The following BATF variants were observed in gnomAD, a reference collection of about 807,000 sequenced individuals.
BATF encodes basic leucine zipper transcriptional factor ATF-like.
Under a neutral mutation model 13.7 loss-of-function variants are expected in BATF, and 5 were observed. The observed-to-expected ratio is 0.36, with a 90% CI of 0.19 to 0.77. The LOEUF (loss-of-function observed/expected upper bound fraction) is 0.77, where lower values mean the gene tolerates loss of function less well. Ranked by LOEUF, BATF falls within the 30% of genes least tolerant of loss-of-function variation. The probability of loss-of-function intolerance (pLI) is 0.51; values close to 1 mark genes in which losing one functional copy is unlikely to be tolerated. For synonymous variants in BATF, 72 were observed against 67.5 expected (o/e 1.07, Z -0.33); for missense variants, 124 against 163.0 (o/e 0.76, Z 1.30).
At chr14:75,538,584 AC>A (rs1270718918) in intron 2 of BATF, among the ~76,000 whole-genome samples, 6 of 152,326 alleles carry the variant, frequency 3.9e-5, no homozygotes, top group Middle Eastern at 3.4e-3. Context: ...ATACTCTGTC[AC>A]ATACAGTGGC....
intron 2 of BATF, among the ~76,000 whole-genome samples, chr14:75,544,910 T>C (rs1485450707): frequency 2.0e-5 from 3 of 150,696 alleles, no homozygotes; most frequent in African/African-American, 7.3e-5. Context: ...CTTAAAATTA[T>C]ACCGGAATTG....
chr14:75,534,897 C>T lies in BATF; in HGVS notation c.168+9709C>T, dbSNP rs566587758. ...AACAGAGACAAAACCCAGTGTGCAT[C>T]ACGATGTTCATCTCAGCATTATTTT... On this transcript the variant is annotated intron_variant, in intron 2 of 2. Coordinates refer to ENST00000286639, the MANE Select transcript of BATF (RefSeq NM_006399.5). Among the ~76,000 whole-genome samples the T allele has an allele frequency of 6.6e-5, 10 of 152,304 alleles. No homozygotes were observed. The East Asian group carries it at 1.9e-3, about 29-fold the overall frequency.
chr14:75,533,186 T>C (rs541586169), intron 2 of BATF, among the ~76,000 whole-genome samples: 2 of 152,154 alleles, frequency 1.3e-5, no homozygotes, highest in African/African-American at 4.8e-5. Context: ...AACGACTGTT[T>C]GGGAGGCCAA....
intron 2 of BATF, among the ~76,000 whole-genome samples, chr14:75,532,467 G>A (rs562534196): frequency 6.6e-6 from 1 of 152,102 alleles, no homozygotes; most frequent in African/African-American, 2.4e-5. Context: ...TATATAGATA[G>A]ATACAATTGG....
rs746135776 is a variant in BATF, at chr14:75,546,656, G to A, written c.363G>A (p.Pro121=). The change falls in exon 3 of 3, where the codon CCG becomes CCA. Residue 121 remains proline, a synonymous_variant. Transcript: ENST00000286639. The part of the protein sequence containing the change: ...HAFHQPHVSS[P]RFQP ...TCCACCAACCTCATGTCAGCTCCCC[G>A]CGCTTCCAGCCCTGAGCTTCCGATG... is the stretch of plus-strand genomic sequence containing the variant. 4 of 1,602,266 alleles carry A rather than the reference G, an allele frequency of 2.5e-6. No homozygotes were observed. The highest frequency in any genetic ancestry group is 2.7e-5 in the African/African-American group (2 of 74,546).
intron 1 of BATF, 131 bp downstream of exon 1, chr14:75,522,876 C>G: frequency 9.3e-7 from 1 of 1,072,432 alleles, no homozygotes; most frequent in Non-Finnish European, 1.4e-6. Flanking sequence ...CTCTGTTAGA[C>G]TTAGGACATG....
chr14:75,540,424 C>T (rs367907650), intron 2 of BATF, among the ~76,000 whole-genome samples: 2 of 152,142 alleles, frequency 1.3e-5, no homozygotes, highest in African/African-American at 4.8e-5. Flanking sequence ...CATCAAATGA[C>T]CCCACAGGTG....
intron 2 of BATF, 128 bp downstream of exon 2, chr14:75,525,316 G>A (rs990753467): frequency 3.2e-6 from 3 of 938,788 alleles, no homozygotes; most frequent in African/African-American, 3.3e-5. Context: ...TTAGTGGAGG[G>A]TGAGGGCCGT....
chr14:75,527,890 C>T (rs1426369484), intron 2 of BATF, among the ~76,000 whole-genome samples: 4 of 152,206 alleles, frequency 2.6e-5, no homozygotes, highest in African/African-American at 2.4e-5. Flanking sequence ...AGCAAGCCTG[C>T]GGACTGCTGC....
intron 1 of BATF, among the ~76,000 whole-genome samples, chr14:75,524,532 C>A (rs2140033436): frequency 6.6e-6 from 1 of 152,076 alleles, no homozygotes; most frequent in South Asian, 2.1e-4. Context: ...GACCAGGAGT[C>A]CTTGGGCACA....
At position 75,522,747 on chromosome 14, in the gene BATF, TAG is replaced by T; in HGVS notation, c.63+5_63+6del. On this transcript the variant is annotated splice_donor_region_variant and intron_variant, in intron 1 of 2. Transcript: ENST00000286639. ...CGCTCTCCTCCCCCTGGCAAACAGG[TAG>T]AGTCCTCCTTTTTCTCTCTCCTACC... 2 of 1,614,070 alleles carry T rather than the reference TAG, an allele frequency of 1.2e-6. No homozygotes were observed. Among genetic ancestry groups the T allele is most frequent in the Non-Finnish European group, 1.7e-6 (2 of 1,179,972 alleles).
chr14:75,532,987 T>G (rs1409569859), intron 2 of BATF, among the ~76,000 whole-genome samples: 1 of 152,236 alleles, frequency 6.6e-6, no homozygotes, highest in Non-Finnish European at 1.5e-5. Context: ...TTTATTATAA[T>G]GAATGTGTGC....
chr14:75,532,656 A>C (rs1260673793), intron 2 of BATF, among the ~76,000 whole-genome samples: 1 of 152,236 alleles, frequency 6.6e-6, no homozygotes, highest in Non-Finnish European at 1.5e-5. Flanking sequence ...CAATGCTATA[A>C]AACTTGACAG....
chr14:75,535,935 G>C (rs1450394917), intron 2 of BATF, among the ~76,000 whole-genome samples: 2 of 152,182 alleles, frequency 1.3e-5, no homozygotes, highest in Non-Finnish European at 2.9e-5. Flanking sequence ...TAAGAGAGTA[G>C]GATGACACAG....
intron 2 of BATF, among the ~76,000 whole-genome samples, chr14:75,540,437 G>A (rs1053036119): frequency 1.3e-5 from 2 of 152,172 alleles, no homozygotes; most frequent in African/African-American, 4.8e-5. Flanking sequence ...CACAGGTGAG[G>A]GATTTGCCTG....
chr14:75,546,677 C>T lies in BATF; in HGVS notation c.*6C>T, dbSNP rs763112390. ...CCCCGCGCTTCCAGCCCTGAGCTTCCGATGCGGGGAGAGCAGAGCCTCGGG... is the reference window on the plus strand; with the variant it reads ...CCCCGCGCTTCCAGCCCTGAGCTTCTGATGCGGGGAGAGCAGAGCCTCGGG... On this transcript the variant is annotated 3_prime_UTR_variant, in exon 3 of 3. Coordinates refer to ENST00000286639, the MANE Select transcript of BATF (RefSeq NM_006399.5). 3.0e-5 allele frequency: 48 copies of T among 1,580,574 alleles called. No individual in the cohort carries two copies. The highest frequency in any genetic ancestry group is 7.0e-5 in the East Asian group (3 of 43,132).
intron 2 of BATF, among the ~76,000 whole-genome samples, chr14:75,530,141 A>G (rs186233583): frequency 1.3e-5 from 2 of 152,228 alleles, no homozygotes; most frequent in Admixed American, 1.3e-4. Flanking sequence ...ATAAGTGGCA[A>G]ATAAATGTGT....
chr14:75,525,659 CAAA>C (rs35718974), intron 2 of BATF, among the ~76,000 whole-genome samples: 7 of 105,474 alleles, frequency 6.6e-5, no homozygotes, highest in Non-Finnish European at 4.0e-5. Context: ...AACTTCATCT[CAAA>C]AAAAAAAAAA....
intron 2 of BATF, among the ~76,000 whole-genome samples, chr14:75,530,075 A>AAG (rs1887712265): frequency 1.3e-5 from 2 of 151,828 alleles, no homozygotes; most frequent in South Asian, 4.2e-4. Context: ...AAAAAAAAAA[A>AAG]AAAAGTAAAG....
Sources: allele counts gnomAD v4.1 joint callset (sites outside exome capture counted in the v4.1 genomes callset), GRCh38; gene constraint gnomAD v4.1.1; transcripts MANE v1.5; gene names NCBI Gene and HGNC (gene_info 2026-07-23, HGNC 2026-07-21).